GARIN2: variants seen among roughly 807,000 people sequenced by gnomAD.
GARIN2 encodes golgi associated RAB2 interactor family member 2, also known as Golgi-associated RAB2 interactor protein 2.
the GARIN2 span, among the ~76,000 whole-genome samples, chr14:67,219,894 G>T: frequency 8.2e-4 from 124 of 152,110 alleles, no homozygotes; most frequent in Non-Finnish European, 1.4e-3. Context: ...ATAAAGCATG[G>T]ATTTCTTTTT....
the GARIN2 span, among the ~76,000 whole-genome samples, chr14:67,195,075 C>T: frequency 2.6e-5 from 4 of 152,292 alleles, no homozygotes; most frequent in South Asian, 8.3e-4. Flanking sequence ...TATCTCAAAT[C>T]ACAGTTACAA....
chr14:67,193,326 ATCTC>A, the GARIN2 span, among the ~76,000 whole-genome samples: 2 of 139,410 alleles, frequency 1.4e-5, no homozygotes, highest in South Asian at 2.3e-4. Flanking sequence ...ATATCTATAT[ATCTC>A]TATATAGATA....
chr14:67,205,644 T>A, the GARIN2 span, among the ~76,000 whole-genome samples: 1 of 152,152 alleles, frequency 6.6e-6, no homozygotes, highest in African/African-American at 2.4e-5. Flanking sequence ...AAATGTTTCA[T>A]TCAGTTGGGC....
the GARIN2 span, among the ~76,000 whole-genome samples, chr14:67,209,982 ATAAT>A: frequency 9.2e-5 from 14 of 152,190 alleles, no homozygotes; most frequent in Non-Finnish European, 2.9e-5. Flanking sequence ...AACCTCACTA[ATAAT>A]TAAAGAAATA....
chr14:67,220,274 A>G, the GARIN2 span, among the ~76,000 whole-genome samples: 2 of 151,978 alleles, frequency 1.3e-5, no homozygotes, highest in East Asian at 1.9e-4. Context: ...TGTCCCTACA[A>G]AAAAGAAAAA....
chr14:67,204,612 T>G, the GARIN2 span: 1 of 1,613,712 alleles, frequency 6.2e-7, no homozygotes, highest in Non-Finnish European at 8.5e-7. Context: ...AGCTGGTGAG[T>G]GGTCGAGCCT....
At chr14:67,194,233 A>C in the GARIN2 span, among the ~76,000 whole-genome samples, 2,200 of 151,266 alleles carry the variant, frequency 0.015, 31 homozygotes, top group Non-Finnish European at 0.018. Context: ...GTGTGATGGC[A>C]CAGGCCTGTG....
chr14:67,199,880 G>GC, the GARIN2 span: 3 of 1,490,444 alleles, frequency 2.0e-6, no homozygotes, highest in Non-Finnish European at 9.0e-7. Context: ...GCAGGACATG[G>GC]CCCCCCATCG....
chr14:67,199,567 C>A, the GARIN2 span: 1 of 1,598,652 alleles, frequency 6.3e-7, no homozygotes, highest in Non-Finnish European at 8.6e-7. Context: ...ACCTCTGTAA[C>A]CACCCTATCA....
the GARIN2 span, among the ~76,000 whole-genome samples, chr14:67,219,957 T>C: frequency 1.3e-5 from 2 of 152,348 alleles, no homozygotes; most frequent in Non-Finnish European, 1.5e-5. Context: ...AATTTGAGAA[T>C]GTTAATTATG....
chr14:67,201,039 TAA>T, the GARIN2 span, among the ~76,000 whole-genome samples: 1 of 152,208 alleles, frequency 6.6e-6, no homozygotes, highest in Non-Finnish European at 1.5e-5. Context: ...CTCATGGCTA[TAA>T]TCCCAGTACT....
At chr14:67,209,656 A>G in the GARIN2 span, among the ~76,000 whole-genome samples, 3 of 151,274 alleles carry the variant, frequency 2.0e-5, no homozygotes, top group Non-Finnish European at 2.9e-5. Flanking sequence ...CGTCTCTACT[A>G]AAAATACAAA....
chr14:67,201,680 A>G, the GARIN2 span: 3 of 370,336 alleles, frequency 8.1e-6, no homozygotes, highest in Non-Finnish European at 1.6e-5. Flanking sequence ...CTGGGTCATC[A>G]TCCCTGAGCC....
the GARIN2 span, chr14:67,189,664 T>C: frequency 6.6e-6 from 1 of 152,002 alleles, no homozygotes; most frequent in African/African-American, 2.4e-5. Flanking sequence ...GGGCAGAATG[T>C]CTATTTTTTT....
chr14:67,210,807 G>A, the GARIN2 span, among the ~76,000 whole-genome samples: 1 of 152,010 alleles, frequency 6.6e-6, no homozygotes, highest in Non-Finnish European at 1.5e-5. Context: ...GAGTCCAGGA[G>A]TTCGAGACCA....
At chr14:67,194,723 GA>G in the GARIN2 span, among the ~76,000 whole-genome samples, 1 of 152,020 alleles carries the variant, frequency 6.6e-6, no homozygotes, top group African/African-American at 2.4e-5. Flanking sequence ...GGCTGGTCTC[GA>G]ACTCCTGACC....
the GARIN2 span, chr14:67,225,046 T>G: frequency 2.1e-6 from 3 of 1,418,278 alleles, no homozygotes; most frequent in Non-Finnish European, 2.8e-6. Context: ...GCTTTTGGCT[T>G]TTTTTCTTTC....
chr14:67,199,518 A>G, the GARIN2 span: 2 of 1,612,326 alleles, frequency 1.2e-6, no homozygotes, highest in Non-Finnish European at 1.7e-6. Flanking sequence ...GCTTCATTTG[A>G]TGCTTCAGTT....
At chr14:67,200,836 A>G in the GARIN2 span, among the ~76,000 whole-genome samples, 3 of 152,198 alleles carry the variant, frequency 2.0e-5, no homozygotes, top group African/African-American at 7.2e-5. Context: ...ATAAAATTAC[A>G]TAGTACTTGT....
Sources: allele counts gnomAD v4.1 joint callset (sites outside exome capture counted in the v4.1 genomes callset), GRCh38; gene constraint gnomAD v4.1.1; transcripts MANE v1.5; gene names NCBI Gene and HGNC (gene_info 2026-07-23, HGNC 2026-07-21).